TTC6: variants seen among roughly 807,000 people sequenced by gnomAD.
TTC6 encodes the protein tetratricopeptide repeat protein 6.
In TTC6, 172 loss-of-function variants were observed where a neutral mutation model predicts 210.4. The observed-to-expected ratio is 0.82, with a 90% CI of 0.72 to 0.93. TTC6 has a LOEUF of 0.93. TTC6 is among the 40% of genes least tolerant of loss of function. TTC6 has a pLI of 0.00. For missense variants in TTC6, 2,414 were observed against 2,318.1 expected (o/e 1.04, Z -0.85); for synonymous variants, 804 against 819.6 (o/e 0.98, Z 0.32).
intron 5 of TTC6, among the ~76,000 whole-genome samples, chr14:37,713,430 G>A (rs1247930592): frequency 1.3e-5 from 2 of 152,154 alleles, no homozygotes; most frequent in Non-Finnish European, 2.9e-5. Context: ...TAGAGACGAG[G>A]TTTTGCTATG....
chr14:37,691,252 A>C (rs2181345), intron 3 of TTC6, among the ~76,000 whole-genome samples: 151,635 of 152,228 alleles, frequency 1, 75,529 homozygotes, highest in Middle Eastern at 1. Context: ...ATTGTTTGAA[A>C]CCGGCAGTTG....
intron 25 of TTC6, among the ~76,000 whole-genome samples, chr14:37,814,625 A>G (rs1403905370): frequency 6.6e-6 from 1 of 152,218 alleles, no homozygotes; most frequent in African/African-American, 2.4e-5. Context: ...AGTGCCAACT[A>G]TATTTTGGCA....
At chr14:37,823,440 A>C (rs1428678686) in intron 26 of TTC6, among the ~76,000 whole-genome samples, 1 of 152,234 alleles carries the variant, frequency 6.6e-6, no homozygotes, top group African/African-American at 2.4e-5. Flanking sequence ...TGTTAAAAAC[A>C]GATTTAAGAA....
intron 7 of TTC6, among the ~76,000 whole-genome samples, chr14:37,728,712 G>A (rs1479857074): frequency 6.6e-6 from 1 of 151,926 alleles, no homozygotes; most frequent in African/African-American, 2.4e-5. Flanking sequence ...TTATTTTGTG[G>A]TTTCTGTTTA....
At chr14:37,651,300 A>G (rs1004683130) in intron 1 of TTC6, among the ~76,000 whole-genome samples, 1 of 146,000 alleles carries the variant, frequency 6.8e-6, no homozygotes, top group Non-Finnish European at 1.5e-5. Context: ...GATTCCTGTC[A>G]TTATCCATTT....
chr14:37,635,853 C>T (rs1261373494), intron 1 of TTC6, among the ~76,000 whole-genome samples: 1 of 151,774 alleles, frequency 6.6e-6, no homozygotes, highest in East Asian at 1.9e-4. Flanking sequence ...GTGGTGCATG[C>T]CTGTAATCCC....
rs141274186 is a variant in TTC6, at chr14:37,754,376, T to C, written c.3266+1141T>C. ...TCCTGTATTAATTTGCTGAGAATGA[T>C]GGTTTCCAGCTTCATCCATGTGCAA... On this transcript the variant is annotated intron_variant, in intron 14 of 30. Coordinates refer to ENST00000553443, the Ensembl canonical transcript of TTC6. Among the ~76,000 whole-genome samples, 1,307 of 152,256 alleles carry C rather than the reference T, an allele frequency of 8.6e-3. 28 individuals carry two copies. Among genetic ancestry groups the C allele is most frequent in the African/African-American group, 0.03 (1,242 of 41,528 alleles).
Position 37,799,188 on chromosome 14 carries a change from C to T in TTC6, c.4029+2241C>T, listed in dbSNP as rs74045700. 5.2e-3 allele frequency among the ~76,000 whole-genome samples: 785 copies of T among 152,044 alleles called. 8 individuals are homozygous for T. The highest frequency in any genetic ancestry group is 0.018 in the African/African-American group (732 of 41,468). On this transcript the variant is annotated intron_variant, in intron 20 of 30. Coordinates refer to ENST00000553443, the Ensembl canonical transcript of TTC6. ...TGGCACACATTTAATAAACATTAGC[C>T]GTTATTATTCCTATTTTTTCTCCCT...
At chr14:37,814,393 A>G (rs2096136864) in intron 25 of TTC6, among the ~76,000 whole-genome samples, 1 of 152,168 alleles carries the variant, frequency 6.6e-6, no homozygotes, top group Non-Finnish European at 1.5e-5. Flanking sequence ...CTCCTCAGTC[A>G]AAAAGGTAGA....
At chr14:37,641,398 C>T (rs2095691523) in intron 1 of TTC6, among the ~76,000 whole-genome samples, 1 of 152,148 alleles carries the variant, frequency 6.6e-6, no homozygotes, top group South Asian at 2.1e-4. Context: ...TGAGAGCTAG[C>T]CAACCACAAT....
chr14:37,762,106 A>T (rs2095986382), intron 14 of TTC6, among the ~76,000 whole-genome samples: 1 of 152,208 alleles, frequency 6.6e-6, no homozygotes, highest in South Asian at 2.1e-4. Context: ...TTTGCTTAAC[A>T]TAATGTCTTC....
intron 1 of TTC6, among the ~76,000 whole-genome samples, chr14:37,603,113 A>C (rs1340326035): frequency 6.6e-6 from 1 of 152,180 alleles, no homozygotes; most frequent in African/African-American, 2.4e-5. Context: ...AGAGAGAGAG[A>C]AGAAGCGAAG....
chr14:37,760,648 G>A (rs1399122896), intron 14 of TTC6, among the ~76,000 whole-genome samples: 1 of 152,156 alleles, frequency 6.6e-6, no homozygotes, highest in African/African-American at 2.4e-5. Flanking sequence ...TCTGTCCCAG[G>A]GAGATGGGAG....
At chr14:37,660,674 T>C (rs1208939418) in intron 1 of TTC6, among the ~76,000 whole-genome samples, 1 of 152,188 alleles carries the variant, frequency 6.6e-6, no homozygotes, top group Non-Finnish European at 1.5e-5. Context: ...ACCTTTGTAA[T>C]AGAATGATTT....
chr14:37,785,719 C>G (rs1304734861), intron 14 of TTC6, among the ~76,000 whole-genome samples: 1 of 152,210 alleles, frequency 6.6e-6, no homozygotes, highest in African/African-American at 2.4e-5. Context: ...TTAGAATGTT[C>G]AGCTTTTCTG....
At position 37,782,501 on chromosome 14, in the gene TTC6, T is replaced by A. The variant is rs1161087035; in HGVS notation, c.3267-4967T>A. ...TTGTATCCTGAGACTTTGCTGAAGT[T>A]GCTTATCAGCTTAAGGAGATTTTGG... On this transcript the variant is annotated intron_variant, in intron 14 of 30. Coordinates refer to ENST00000553443, the Ensembl canonical transcript of TTC6. 1.6e-4 allele frequency among the ~76,000 whole-genome samples: 25 copies of A among 152,168 alleles called. 1 individual carries two copies. The highest frequency in any genetic ancestry group is 1.6e-3 in the Admixed American group (25 of 15,266).
intron 14 of TTC6, among the ~76,000 whole-genome samples, chr14:37,777,976 G>A (rs1204445668): frequency 2.6e-5 from 4 of 152,056 alleles, no homozygotes; most frequent in African/African-American, 9.7e-5. Context: ...CTTAAGTTGG[G>A]AACCTGCTGT....
chr14:37,781,047 G>A (rs1266082449), intron 14 of TTC6, among the ~76,000 whole-genome samples: 1 of 152,180 alleles, frequency 6.6e-6, no homozygotes, highest in Non-Finnish European at 1.5e-5. Flanking sequence ...ATTTGAGTCA[G>A]TTCCAAGTCT....
chr14:37,784,880 A>G (rs2096064010), intron 14 of TTC6, among the ~76,000 whole-genome samples: 1 of 152,154 alleles, frequency 6.6e-6, no homozygotes, highest in Non-Finnish European at 1.5e-5. Context: ...TTCACCTTTG[A>G]AGCTTTGTTT....
Sources: gnomAD v4.1 joint callset for allele counts (sites outside exome capture counted in the v4.1 genomes callset) on GRCh38, gnomAD v4.1.1 for gene constraint, MANE v1.5 for transcripts, NCBI Gene and HGNC (gene_info 2026-07-23, HGNC 2026-07-21) for gene names.